The following SPATA16 variants were observed in gnomAD, a reference collection of about 807,000 sequenced individuals.
SPATA16 encodes the protein spermatogenesis-associated protein 16.
Under a neutral mutation model 63.3 loss-of-function variants are expected in SPATA16, and 36 were observed. The observed-to-expected ratio is 0.57, with a 90% CI of 0.44 to 0.75. The LOEUF (loss-of-function observed/expected upper bound fraction) is 0.75, where lower values mean the gene tolerates loss of function less well. Ranked by LOEUF, SPATA16 falls within the 30% of genes least tolerant of loss-of-function variation. The pLI is 0.00. For synonymous variants in SPATA16, 203 were observed against 216.7 expected (o/e 0.94, Z 0.56); for missense variants, 646 against 679.3 (o/e 0.95, Z 0.54).
intron 2 of SPATA16, among the ~76,000 whole-genome samples, chr3:173,090,987 T>G (rs910668138): frequency 1.3e-5 from 2 of 152,110 alleles, no homozygotes; most frequent in African/African-American, 4.8e-5. Context: ...TTAATGTTGG[T>G]TTCAGGCCTA....
intron 4 of SPATA16, among the ~76,000 whole-genome samples, chr3:172,990,297 G>A (rs1178189481): frequency 6.6e-6 from 1 of 152,192 alleles, no homozygotes. Context: ...TTGGGACATA[G>A]TAAGTGAATA....
intron 2 of SPATA16, among the ~76,000 whole-genome samples, chr3:173,050,042 T>C (rs1736049873): frequency 6.6e-6 from 1 of 152,182 alleles, no homozygotes; most frequent in Non-Finnish European, 1.5e-5. Context: ...TTAATACTTA[T>C]TTATATATCC....
chr3:173,042,423 C>T (rs984543053), intron 3 of SPATA16, among the ~76,000 whole-genome samples: 3 of 151,984 alleles, frequency 2.0e-5, no homozygotes, highest in Non-Finnish European at 2.9e-5. Context: ...GGGGTTTCAC[C>T]ATTTTGGGCA....
chr3:173,059,274 C>CT lies in SPATA16; in HGVS notation c.613-10181dup, dbSNP rs574686458. On this transcript the variant is annotated intron_variant, in intron 2 of 10. Coordinates refer to ENST00000351008, the MANE Select transcript of SPATA16 (RefSeq NM_031955.6). The stretch of plus-strand genomic sequence containing the variant: ...TCATTAGTTTTGGCTTTTATCTTGG[C>CT]TTTTTTTTTTCTTTCCTCTTTTGAT... Among the ~76,000 whole-genome samples, 761 of 141,252 alleles carry CT rather than the reference C, an allele frequency of 5.4e-3. 16 individuals carry two copies. Among genetic ancestry groups the CT allele is most frequent in the South Asian group, 0.042 (187 of 4,446 alleles). The allele number at this position is 141,252 out of a possible 152,430, so 92.7% of individuals were successfully genotyped here.
At chr3:172,961,069 T>TCTTCCTTC (rs770794784) in intron 5 of SPATA16, among the ~76,000 whole-genome samples, 6,433 of 70,868 alleles carry the variant, frequency 0.091, 365 homozygotes, top group Middle Eastern at 0.11. Context: ...CTTTCTTCTT[T>TCTTCCTTC]CTTCCTTCCT....
intron 4 of SPATA16, among the ~76,000 whole-genome samples, chr3:172,993,042 A>T (rs969601888): frequency 7.9e-5 from 12 of 152,146 alleles, no homozygotes; most frequent in African/African-American, 2.4e-4. Flanking sequence ...AGACTACACT[A>T]TTAGAGAGAG....
At chr3:173,009,306 C>T (rs1735007013) in intron 4 of SPATA16, among the ~76,000 whole-genome samples, 1 of 152,202 alleles carries the variant, frequency 6.6e-6, no homozygotes, top group Admixed American at 6.5e-5. Flanking sequence ...CAAAGCAGGA[C>T]AGCCACCCAC....
At chr3:173,027,251 G>A (rs1276873936) in intron 3 of SPATA16, among the ~76,000 whole-genome samples, 4 of 151,634 alleles carry the variant, frequency 2.6e-5, no homozygotes, top group Admixed American at 6.6e-5. Context: ...GATTTTTTAC[G>A]TTGACCTTGT....
intron 4 of SPATA16, among the ~76,000 whole-genome samples, chr3:172,981,782 G>T (rs1734325466): frequency 6.6e-6 from 1 of 152,038 alleles, no homozygotes; most frequent in Non-Finnish European, 1.5e-5. Context: ...CTTACTGCAG[G>T]GTCAGCATAT....
intron 3 of SPATA16, among the ~76,000 whole-genome samples, chr3:173,022,617 T>C (rs1391475900): frequency 2.0e-5 from 3 of 152,158 alleles, no homozygotes; most frequent in Admixed American, 6.5e-5. Context: ...TTATGTCGTG[T>C]GCAACTTGTA....
intron 3 of SPATA16, among the ~76,000 whole-genome samples, chr3:173,043,175 T>G (rs34776840): frequency 6.6e-6 from 1 of 152,196 alleles, no homozygotes; most frequent in East Asian, 1.9e-4. Context: ...CTGACGTAGT[T>G]TGATTGAACT....
intron 10 of SPATA16, among the ~76,000 whole-genome samples, chr3:172,894,851 G>A (rs1311921148): frequency 6.6e-6 from 1 of 152,188 alleles, no homozygotes; most frequent in Non-Finnish European, 1.5e-5. Context: ...CAGAAAAGGG[G>A]CCTTCAGTGG....
intron 10 of SPATA16, among the ~76,000 whole-genome samples, chr3:172,911,981 A>G (rs1408155757): frequency 6.6e-6 from 1 of 152,210 alleles, no homozygotes. Flanking sequence ...AACATTTTCT[A>G]GTTAAATATA....
chr3:173,037,945 G>T (rs1044023801), intron 3 of SPATA16, among the ~76,000 whole-genome samples: 1 of 152,040 alleles, frequency 6.6e-6, no homozygotes, highest in Non-Finnish European at 1.5e-5. Context: ...AATATGTATG[G>T]AATATCCTAA....
chr3:172,952,938 CAAAAA>C (rs60404306), intron 6 of SPATA16, among the ~76,000 whole-genome samples: 1 of 78,042 alleles, frequency 1.3e-5, no homozygotes. Flanking sequence ...GACTCCATCT[CAAAAA>C]AAAAAAAAAA....
intron 1 of SPATA16, among the ~76,000 whole-genome samples, chr3:173,123,748 C>T (rs947055406): frequency 7.9e-5 from 12 of 151,664 alleles, no homozygotes; most frequent in African/African-American, 2.4e-4. Context: ...GGATTACAGG[C>T]GCCAACCACC....
At chr3:172,900,965 T>C (rs1278441237) in intron 10 of SPATA16, among the ~76,000 whole-genome samples, 2 of 152,172 alleles carry the variant, frequency 1.3e-5, no homozygotes, top group African/African-American at 4.8e-5. Flanking sequence ...TTTATTGTCC[T>C]GTCTTTCTTT....
intron 6 of SPATA16, among the ~76,000 whole-genome samples, chr3:172,939,468 C>G (rs1239434633): frequency 6.6e-6 from 1 of 152,138 alleles, no homozygotes; most frequent in Non-Finnish European, 1.5e-5. Flanking sequence ...GCCAGAGTCT[C>G]TTAGCTTGAC....
intron 2 of SPATA16, among the ~76,000 whole-genome samples, chr3:173,081,402 C>T (rs1369159647): frequency 6.6e-6 from 1 of 152,146 alleles, no homozygotes; most frequent in African/African-American, 2.4e-5. Context: ...GATCAATAAC[C>T]CAGACACAAG....
Sources: allele counts gnomAD v4.1 joint callset (sites outside exome capture counted in the v4.1 genomes callset), GRCh38; gene constraint gnomAD v4.1.1; transcripts MANE v1.5; gene names NCBI Gene and HGNC (gene_info 2026-07-23, HGNC 2026-07-21).